Variants in SCHIP1 observed in about 807,000 individuals in gnomAD.
SCHIP1 encodes schwannomin interacting protein 1.
Under a neutral mutation model 29.7 loss-of-function variants are expected in SCHIP1, and 8 were observed. The observed-to-expected ratio is 0.27, with a 90% CI of 0.16 to 0.49. The LOEUF is 0.49. Among genes scored for constraint, SCHIP1 ranks in the 20% least tolerant of loss-of-function variants. The pLI, the probability that SCHIP1 is intolerant of heterozygous loss-of-function variation, is 0.99. For missense variants in SCHIP1, 193 were observed against 294.6 expected (o/e 0.66, Z 2.52); for synonymous variants, 76 against 94.9 (o/e 0.80, Z 1.16).
At chr3:159,459,811 C>A in the SCHIP1 span, among the ~76,000 whole-genome samples, 1 of 151,930 alleles carries the variant, frequency 6.6e-6, no homozygotes, top group Admixed American at 6.6e-5. Context: ...TGACTGTGTC[C>A]TTATAAGAGG....
chr3:159,540,452 G>A, the SCHIP1 span, among the ~76,000 whole-genome samples: 199 of 152,192 alleles, frequency 1.3e-3, no homozygotes, highest in South Asian at 0.023. Flanking sequence ...CATATTTACA[G>A]TATTTTTAAC....
the SCHIP1 span, among the ~76,000 whole-genome samples, chr3:159,299,962 T>C: frequency 6.6e-6 from 1 of 151,814 alleles, no homozygotes; most frequent in South Asian, 2.1e-4. Flanking sequence ...TACTGCAGAG[T>C]AAAGCAAGAC....
the SCHIP1 span, among the ~76,000 whole-genome samples, chr3:159,426,904 C>G: frequency 1.3e-5 from 2 of 152,126 alleles, no homozygotes; most frequent in African/African-American, 4.8e-5. Context: ...AAATGTAATC[C>G]AGCATATAAA....
At chr3:159,308,920 A>G in the SCHIP1 span, among the ~76,000 whole-genome samples, 3 of 152,314 alleles carry the variant, frequency 2.0e-5, no homozygotes, top group African/African-American at 7.2e-5. Context: ...AACAAAAAGC[A>G]GCTACATACA....
chr3:159,284,274 CT>C, the SCHIP1 span, among the ~76,000 whole-genome samples: 1 of 152,110 alleles, frequency 6.6e-6, no homozygotes, highest in Non-Finnish European at 1.5e-5. Context: ...CTGCTACTTA[CT>C]TTCCAAGATA....
the SCHIP1 span, among the ~76,000 whole-genome samples, chr3:159,495,883 A>G: frequency 1.3e-5 from 2 of 152,254 alleles, no homozygotes; most frequent in East Asian, 3.8e-4. Context: ...CCAAACCAGC[A>G]TGGTACAGGT....
the SCHIP1 span, among the ~76,000 whole-genome samples, chr3:159,506,163 T>A: frequency 6.6e-6 from 1 of 152,254 alleles, no homozygotes; most frequent in African/African-American, 2.4e-5. Context: ...ATTGCCATTC[T>A]AACTGGTGTG....
intron 2 of SCHIP1, among the ~76,000 whole-genome samples, chr3:159,867,745 G>A (rs1164264663): frequency 2.0e-5 from 3 of 152,110 alleles, no homozygotes; most frequent in Non-Finnish European, 2.9e-5. Flanking sequence ...ATTAGTCCTA[G>A]TACACTTCTA....
chr3:159,791,303 G>GA, the SCHIP1 span, among the ~76,000 whole-genome samples: 103 of 151,854 alleles, frequency 6.8e-4, no homozygotes, highest in South Asian at 6.3e-3. Context: ...TTAAACAAGT[G>GA]AAAAAAAACA....
chr3:159,313,705 A>G, the SCHIP1 span, among the ~76,000 whole-genome samples: 3 of 152,098 alleles, frequency 2.0e-5, no homozygotes, highest in African/African-American at 7.2e-5. Context: ...CATTTAGATC[A>G]TTATTTTTCC....
the SCHIP1 span, among the ~76,000 whole-genome samples, chr3:159,541,934 C>T: frequency 6.6e-6 from 1 of 152,042 alleles, no homozygotes; most frequent in African/African-American, 2.4e-5. Flanking sequence ...TTCAAGGCTG[C>T]AGCTTTGCCC....
chr3:159,693,145 A>C, the SCHIP1 span, among the ~76,000 whole-genome samples: 1 of 152,174 alleles, frequency 6.6e-6, no homozygotes, highest in African/African-American at 2.4e-5. Context: ...ATCACCCCGA[A>C]TATCAGTAGG....
At chr3:159,309,361 T>C in the SCHIP1 span, 1 of 152,562 alleles carries the variant, frequency 6.6e-6, no homozygotes, top group Admixed American at 6.5e-5. Flanking sequence ...GTCAGCCAAA[T>C]GGACCATGAT....
the SCHIP1 span, among the ~76,000 whole-genome samples, chr3:159,818,134 G>C: frequency 3.4e-5 from 5 of 148,376 alleles, no homozygotes; most frequent in Non-Finnish European, 7.5e-5. Context: ...GTGGATCGAG[G>C]AGTAAGCTGC....
the SCHIP1 span, among the ~76,000 whole-genome samples, chr3:159,640,508 G>T: frequency 6.6e-6 from 1 of 151,980 alleles, no homozygotes; most frequent in Non-Finnish European, 1.5e-5. Flanking sequence ...TCCATATATG[G>T]CCAGATTAGA....
chr3:159,572,000 A>T, the SCHIP1 span, among the ~76,000 whole-genome samples: 4 of 151,956 alleles, frequency 2.6e-5, no homozygotes, highest in South Asian at 2.1e-4. Flanking sequence ...TATTGCGTCT[A>T]TTTGATTCTT....
chr3:159,891,005 A>G (rs1003955690), intron 5 of SCHIP1, among the ~76,000 whole-genome samples: 4 of 152,172 alleles, frequency 2.6e-5, no homozygotes, highest in Admixed American at 2.0e-4. Context: ...AAAGCAAGAG[A>G]GAGCCTTTGC....
chr3:159,740,767 A>AAAAT, the SCHIP1 span, among the ~76,000 whole-genome samples: 1 of 129,440 alleles, frequency 7.7e-6, no homozygotes, highest in East Asian at 2.4e-4. Flanking sequence ...TATTCAAAAA[A>AAAAT]AAAGAAAAAA....
chr3:159,590,036 T>G, the SCHIP1 span, among the ~76,000 whole-genome samples: 4 of 152,144 alleles, frequency 2.6e-5, no homozygotes, highest in Non-Finnish European at 4.4e-5. Flanking sequence ...AAATTCAAGT[T>G]TAGTTAGGAA....
Sources: gnomAD v4.1 joint callset for allele counts (sites outside exome capture counted in the v4.1 genomes callset) on GRCh38, gnomAD v4.1.1 for gene constraint, MANE v1.5 for transcripts, NCBI Gene and HGNC (gene_info 2026-07-23, HGNC 2026-07-21) for gene names.